KBTBD12: variants seen among roughly 807,000 people sequenced by gnomAD.
KBTBD12 encodes kelch repeat and BTB domain-containing protein 12.
KBTBD12 carries 53 observed loss-of-function variants against 58.7 expected under a neutral mutation model. The ratio of observed to expected loss-of-function variants is 0.90; its 90% confidence interval spans 0.72 to 1.14. The LOEUF is 1.14. Ranked by LOEUF, KBTBD12 falls within the 50% of genes most tolerant of loss-of-function variation. The pLI is 0.00. For missense variants in KBTBD12, 704 were observed against 751.3 expected, an observed-to-expected ratio of 0.94 and a Z score of 0.74; for synonymous variants, 236 against 259.8, an observed-to-expected ratio of 0.91 and a Z score of 0.88.
At chr3:127,943,733 G>A (rs1940010004) in intron 4 of KBTBD12, among the ~76,000 whole-genome samples, 2 of 151,706 alleles carry the variant, frequency 1.3e-5, no homozygotes, top group African/African-American at 2.4e-5. Flanking sequence ...GTTGCCTAAG[G>A]TTTTGGTGTC....
At position 127,923,171 on chromosome 3, in the gene KBTBD12, C is replaced by G. The variant is rs372705333; in HGVS notation, c.110C>G (p.Ala37Gly). The G allele has an allele frequency of 3.2e-5, 52 of 1,613,356 alleles. No homozygotes were observed. The highest frequency in any genetic ancestry group is 1.5e-4 in the Admixed American group (9 of 60,014). ...GAAATGATTGATGTGGTACTCACAG[C>G]AGAAGGAGAGAAATTTCCTTGCCAC... ...LAEMIDVVLT[A>G]EGEKFPCHRL... The change falls in exon 2 of 6, where the codon GCA (alanine) becomes GGA (glycine). Residue 37 changes from alanine (A) to glycine (G), a missense_variant. Transcript: ENST00000405109.
chr3:127,952,720 T>C (rs1441129668), intron 4 of KBTBD12, among the ~76,000 whole-genome samples: 1 of 152,230 alleles, frequency 6.6e-6, no homozygotes, highest in Non-Finnish European at 1.5e-5. Flanking sequence ...TCACTTGTGC[T>C]CTGGGCACTA....
chr3:127,950,140 C>G (rs936798409), intron 4 of KBTBD12, among the ~76,000 whole-genome samples: 1 of 152,006 alleles, frequency 6.6e-6, no homozygotes, highest in Non-Finnish European at 1.5e-5. Context: ...TTTAACTTGA[C>G]ACAGTAATAT....
Position 127,922,977 on chromosome 3 carries a change from C to A in KBTBD12, c.-85C>A. On this transcript the variant is annotated 5_prime_UTR_variant, in exon 2 of 6. An upstream open reading frame in the 5' UTR gains an earlier in-frame stop. Coordinates refer to ENST00000405109, the MANE Select transcript of KBTBD12 (RefSeq NM_207335.4). Reference sequence around the variant, plus strand: ...ATGTTTCCTGACATCTTTGTAGCTTCATGAGTAATCAGACATGCAAATAGC... The same window carrying A: ...ATGTTTCCTGACATCTTTGTAGCTTAATGAGTAATCAGACATGCAAATAGC... 1.3e-6 allele frequency: 1 copy of A among 746,634 alleles called. No individual in the cohort carries two copies. The highest frequency in any genetic ancestry group is 2.2e-6 in the Non-Finnish European group (1 of 449,662). 46.3% of individuals were successfully genotyped at this position (746,634 alleles called of 1,614,324 possible).
chr3:127,984,179 C>T lies in KBTBD12; in HGVS notation c.1773C>T (p.Leu591=), dbSNP rs897351684. The change falls in exon 6 of 6, where the codon CTC becomes CTT. Residue 591 remains leucine (L), a synonymous_variant. Transcript: ENST00000405109. ...GGAATGTTGTAGCCATCAACGTCCT[C>T]ATGCATGACAGCTATGATGTCTGCC... ...NQWNVVAINV[L]MHDSYDVCLV... The T allele has an allele frequency of 6.2e-7, 1 of 1,613,698 alleles. No individual in the cohort carries two copies. Among genetic ancestry groups the T allele is most frequent in the African/African-American group, 1.3e-5 (1 of 74,928 alleles).
chr3:127,958,859 T>C (rs1940371982), intron 4 of KBTBD12, among the ~76,000 whole-genome samples: 1 of 152,128 alleles, frequency 6.6e-6, no homozygotes, highest in South Asian at 2.1e-4. Flanking sequence ...ATAGAGAGAA[T>C]GGAGAATGGC....
chr3:127,935,131 G>A (rs1939799487), intron 4 of KBTBD12, among the ~76,000 whole-genome samples: 3 of 152,054 alleles, frequency 2.0e-5, no homozygotes, highest in Admixed American at 1.3e-4. Context: ...ACCCATCATA[G>A]GTTGAAAATA....
intron 5 of KBTBD12, among the ~76,000 whole-genome samples, chr3:127,976,414 G>C (rs1240003712): frequency 6.6e-6 from 1 of 152,048 alleles, no homozygotes; most frequent in Non-Finnish European, 1.5e-5. Context: ...TGTTTAATTA[G>C]CACAATTTCC....
At chr3:127,922,356 G>T (rs555285417) in intron 1 of KBTBD12, among the ~76,000 whole-genome samples, 1 of 152,216 alleles carries the variant, frequency 6.6e-6, no homozygotes, top group South Asian at 2.1e-4. Flanking sequence ...ACATTTGGTA[G>T]TGCCTTCCAA....
At position 127,946,108 on chromosome 3, in the gene KBTBD12, A is replaced by G. The variant is rs538189561; in HGVS notation, c.1492+15825A>G. 1.2e-3 allele frequency among the ~76,000 whole-genome samples: 181 copies of G among 152,282 alleles called. 1 individual carries two copies. Among genetic ancestry groups the G allele is most frequent in the African/African-American group, 4.1e-3 (169 of 41,536 alleles). ...AAGAACCTGACAACAGTTTAATTTC[A>G]TTCCTTCCACCCGTTGTACTTTTCT... On this transcript the variant is annotated intron_variant, in intron 4 of 5. Coordinates refer to ENST00000405109, the MANE Select transcript of KBTBD12 (RefSeq NM_207335.4).
At chr3:127,949,995 G>A (rs1940170802) in intron 4 of KBTBD12, among the ~76,000 whole-genome samples, 1 of 152,136 alleles carries the variant, frequency 6.6e-6, no homozygotes. Context: ...GTACATTCTT[G>A]TCTGCATTTT....
chr3:127,916,889 A>C (rs1054347010), intron 1 of KBTBD12, among the ~76,000 whole-genome samples: 2 of 152,174 alleles, frequency 1.3e-5, no homozygotes, highest in Non-Finnish European at 2.9e-5. Context: ...CAAGGGAGTC[A>C]CTTCACGATT....
In KBTBD12 at chr3:127,986,896, C is replaced by T. The variant is rs964795594; in HGVS notation, c.*2618C>T. 2 of 152,292 alleles carry T rather than the reference C, an allele frequency of 1.3e-5. No homozygotes were observed. The highest frequency in any genetic ancestry group is 3.2e-3 in the Middle Eastern group (1 of 316). 9.4% of individuals were successfully genotyped at this position (152,292 alleles called of 1,614,324 possible). On this transcript the variant is annotated 3_prime_UTR_variant, in exon 6 of 6. Transcript: ENST00000405109. ...AGGCCCCCGATGCCCTCAATGGACA[C>T]ATTCAGGACCCTGTGGCAGCTCAGC...
chr3:127,940,706 A>C (rs1168699279), intron 4 of KBTBD12, among the ~76,000 whole-genome samples: 4 of 152,048 alleles, frequency 2.6e-5, no homozygotes, highest in Non-Finnish European at 5.9e-5. Context: ...AAGTAAATAA[A>C]GATAGGAGCA....
chr3:127,932,100 G>T (rs1939717490), intron 4 of KBTBD12, among the ~76,000 whole-genome samples: 1 of 152,134 alleles, frequency 6.6e-6, no homozygotes, highest in South Asian at 2.1e-4. Flanking sequence ...GAAACTGGAA[G>T]TGGAGAGACT....
At chr3:127,940,824 A>G (rs560845365) in intron 4 of KBTBD12, among the ~76,000 whole-genome samples, 1 of 152,282 alleles carries the variant, frequency 6.6e-6, no homozygotes, top group East Asian at 1.9e-4. Flanking sequence ...CTAACCAATA[A>G]AAAGAGGAAT....
chr3:127,973,598 G>T (rs72983933), intron 5 of KBTBD12, among the ~76,000 whole-genome samples: 1 of 151,954 alleles, frequency 6.6e-6, no homozygotes, highest in Non-Finnish European at 1.5e-5. Context: ...GTATTTAGGA[G>T]TGAAGTATTA....
rs182265803 is a variant in KBTBD12 at position 127,944,948 on chromosome 3, A to T, written c.1492+14665A>T. Among the ~76,000 whole-genome samples, 555 of 151,422 alleles carry T rather than the reference A, an allele frequency of 3.7e-3. 2 individuals carry two copies. The highest frequency in any genetic ancestry group is 4.9e-3 in the Non-Finnish European group (334 of 67,832). Reference sequence around the variant, plus strand: ...TCAGGCTAGAGTCCGTGGCACAATCATGGCTCACTGTAGCCTCAACCTCCC... The same window carrying T: ...TCAGGCTAGAGTCCGTGGCACAATCTTGGCTCACTGTAGCCTCAACCTCCC... On this transcript the variant is annotated intron_variant, in intron 4 of 5. Transcript: ENST00000405109.
rs1940954644 is a variant in KBTBD12 at position 127,985,797 on chromosome 3, T to G, written c.*1519T>G. 6.6e-6 allele frequency: 1 copy of G among 152,302 alleles called. No homozygotes were observed. The highest frequency in any genetic ancestry group is 2.1e-4 in the South Asian group (1 of 4,836). 9.4% of individuals were successfully genotyped at this position (152,302 alleles called of 1,614,324 possible). ...CTTCGCACTTGTGCCCCAAGTGCAC[T>G]CACAGTACCTGGCATGTGGGTGACC... On this transcript the variant is annotated 3_prime_UTR_variant, in exon 6 of 6. Transcript: ENST00000405109.
Sources: gnomAD v4.1 joint callset for allele counts (sites outside exome capture counted in the v4.1 genomes callset) on GRCh38, gnomAD v4.1.1 for gene constraint, MANE v1.5 for transcripts, NCBI Gene and HGNC (gene_info 2026-07-23, HGNC 2026-07-21) for gene names.